RASGRF1: variants seen among roughly 807,000 people sequenced by gnomAD.
RASGRF1 encodes the protein ras-specific guanine nucleotide-releasing factor 1.
A neutral mutation model predicts 138.7 loss-of-function variants in RASGRF1; 40 were observed. The observed-to-expected ratio is 0.29, with a 90% CI of 0.22 to 0.38. The LOEUF is 0.38. Among genes scored for constraint, RASGRF1 ranks in the 10% least tolerant of loss-of-function variants. RASGRF1 has a pLI of 1.00. For synonymous variants in RASGRF1, 614 were observed against 663.2 expected (o/e 0.93, Z 1.14); for missense variants, 1,108 against 1,650.4 (o/e 0.67, Z 5.69).
Position 78,962,112 on chromosome 15 carries a change from C to T in RASGRF1, c.*32G>A, listed in dbSNP as rs771553507. On this transcript the variant is annotated 3_prime_UTR_variant, in exon 27 of 27. Coordinates refer to ENST00000558480, the MANE Select transcript of RASGRF1 (RefSeq NM_001145648.3). Reference sequence around the variant, plus strand: ...TACAGTATCATCTAGCACATGTCCCCGGGAGCAGCTGGGTCTGGGCTGGGC... The same window carrying T: ...TACAGTATCATCTAGCACATGTCCCTGGGAGCAGCTGGGTCTGGGCTGGGC... 28 of 1,375,314 alleles carry T rather than the reference C, an allele frequency of 2.0e-5. No individual in the cohort carries two copies. The highest frequency in any genetic ancestry group is 4.8e-5 in the East Asian group (2 of 41,282). 85.2% of individuals were successfully genotyped at this position (1,375,314 alleles called of 1,614,324 possible).
At chr15:79,036,183 C>A (rs2057219936) in intron 5 of RASGRF1, among the ~76,000 whole-genome samples, 2 of 152,162 alleles carry the variant, frequency 1.3e-5, no homozygotes, top group Admixed American at 6.5e-5. Context: ...CCTGCCCAAC[C>A]ATTTTCCCTC....
At chr15:79,012,583 G>A (rs1297456291) in intron 13 of RASGRF1, 1 of 1,609,658 alleles carries the variant, frequency 6.2e-7, no homozygotes, top group African/African-American at 1.3e-5. Context: ...GAAGTTGTAA[G>A]TTTAATCTGG....
Position 79,004,136 on chromosome 15 carries a change from C to T in RASGRF1, c.2115G>A (p.Lys705=). 2 of 1,605,996 alleles carry T rather than the reference C, an allele frequency of 1.2e-6. No homozygotes were observed. The highest frequency in any genetic ancestry group is 1.7e-6 in the Non-Finnish European group (2 of 1,174,804). Residue 705 remains lysine, a synonymous_variant, in exon 15 of 27, where the codon AAG becomes AAA. Coordinates refer to ENST00000558480, the MANE Select transcript of RASGRF1 (RefSeq NM_001145648.3). ...ACTTGGGGGGTTCACCGTACAGGAG[C>T]TTATTGTTCTGGCCACTGGCAAACA... ...ELLFASGQNN[K]LLYGEPPKSP...
chr15:78,985,085 G>C lies in RASGRF1; in HGVS notation c.3336C>G (p.Ala1112=). ...TCATGGACGAGGTGATCTCCAGTAC[G>C]GCATTGTAGTTGTGGAGGCAGCGGC... ...DICRCLHNYN[A]VLEITSSMNR... Residue 1112 remains alanine, a synonymous_variant, in exon 23 of 27, where the codon GCC becomes GCG. Transcript: ENST00000558480. The C allele has an allele frequency of 6.2e-7, 1 of 1,613,968 alleles. No individual in the cohort carries two copies. The highest frequency in any genetic ancestry group is 8.5e-7 in the Non-Finnish European group (1 of 1,179,896).
chr15:79,066,409 G>T lies in RASGRF1; in HGVS notation c.277-1883C>A, dbSNP rs568216609. On this transcript the variant is annotated intron_variant, in intron 1 of 26. Transcript: ENST00000558480. The stretch of plus-strand genomic sequence containing the variant: ...AAAGGCAAAGTCCCCACCTCAGGGA[G>T]CCTGTAGGTAGGTGAGACTCAGAGT... 5.9e-5 allele frequency among the ~76,000 whole-genome samples: 9 copies of T among 152,354 alleles called. No individual in the cohort carries two copies. The East Asian group carries it at 1.7e-3, about 29-fold the overall frequency.
chr15:79,004,868 C>T (rs371432416), intron 14 of RASGRF1: 99 of 983,360 alleles, frequency 1.0e-4, no homozygotes, highest in South Asian at 2.4e-4. Flanking sequence ...TGCCCCAGGA[C>T]GTAGGCACTC....
At chr15:79,049,786 A>T (rs1367669932) in intron 3 of RASGRF1, among the ~76,000 whole-genome samples, 198 bp from the exon 4 acceptor site, 3 of 152,010 alleles carry the variant, frequency 2.0e-5, no homozygotes, top group Non-Finnish European at 4.4e-5. Context: ...CATCTGTGAG[A>T]AGCGCTGCAC....
intron 24 of RASGRF1, chr15:78,979,258 G>A: frequency 8.7e-7 from 1 of 1,154,544 alleles, no homozygotes; most frequent in Non-Finnish European, 1.1e-6. Flanking sequence ...CACAGAGCTG[G>A]CAAAGGACAG....
chr15:79,025,168 T>C (rs2057028655), intron 10 of RASGRF1, 146 bp downstream of exon 10: 2 of 870,708 alleles, frequency 2.3e-6, no homozygotes, highest in South Asian at 8.0e-5. Context: ...GGCCAAACTA[T>C]GGGTTGTGTG....
chr15:79,064,474 C>G lies in RASGRF1; in HGVS notation c.329G>C (p.Arg110Thr). The G allele has an allele frequency of 6.2e-7, 1 of 1,614,212 alleles. No individual in the cohort carries two copies. Among genetic ancestry groups the G allele is most frequent in the Non-Finnish European group, 8.5e-7 (1 of 1,180,034 alleles). ...SHENQKALEL[R>T]TEDAKDCDEW... ...GTCACAATCTTTTGCGTCCTCTGTCCTCAGCTCCAAGGCTTTCTGGTTCTC... is the reference window on the plus strand; with the variant it reads ...GTCACAATCTTTTGCGTCCTCTGTCGTCAGCTCCAAGGCTTTCTGGTTCTC... Residue 110 changes from arginine (R) to threonine (T), a missense_variant, in exon 2 of 27, where the codon AGG (arginine) becomes ACG (threonine). Arg to Thr is a moderately conservative substitution (Grantham distance 71). Transcript: ENST00000558480.
At chr15:78,968,379 C>T (rs190200717) in intron 26 of RASGRF1, among the ~76,000 whole-genome samples, 23 of 151,956 alleles carry the variant, frequency 1.5e-4, no homozygotes, top group Admixed American at 5.9e-4. Flanking sequence ...TCAAGTGATC[C>T]GCCTGCCTCA....
chr15:79,070,990 A>G (rs2057747736), intron 1 of RASGRF1, among the ~76,000 whole-genome samples: 1 of 152,220 alleles, frequency 6.6e-6, no homozygotes, highest in African/African-American at 2.4e-5. Context: ...AACCCTCCCC[A>G]AGGGACACTC....
chr15:78,988,812 C>G (rs1270513587), intron 22 of RASGRF1, among the ~76,000 whole-genome samples: 1 of 149,596 alleles, frequency 6.7e-6, no homozygotes, highest in Non-Finnish European at 1.5e-5. Flanking sequence ...GGAACTTGCA[C>G]ACATGTGGGG....
At chr15:78,979,457 C>A in intron 24 of RASGRF1, 1 of 209,018 alleles carries the variant, frequency 4.8e-6, no homozygotes, top group South Asian at 7.7e-5. Flanking sequence ...CGGGGAGAGG[C>A]TTCCTGAGCT....
At chr15:79,025,818 G>C (rs1382999974) in intron 9 of RASGRF1, among the ~76,000 whole-genome samples, 3 of 151,976 alleles carry the variant, frequency 2.0e-5, no homozygotes, top group African/African-American at 7.3e-5. Context: ...GTGGGGAGCT[G>C]GCTGCAGGCC....
At chr15:78,988,284 C>T (rs1000196962) in intron 22 of RASGRF1, among the ~76,000 whole-genome samples, 1 of 152,150 alleles carries the variant, frequency 6.6e-6, no homozygotes, top group Admixed American at 6.5e-5. Flanking sequence ...AGTGAATGCT[C>T]ACTTCATATT....
Position 79,053,861 on chromosome 15 carries a change from A to G in RASGRF1, c.532-4273T>C, listed in dbSNP as rs142500759. Among the ~76,000 whole-genome samples, 250 of 152,328 alleles carry G rather than the reference A, an allele frequency of 1.6e-3. 1 individual carries two copies. Among genetic ancestry groups the G allele is most frequent in the African/African-American group, 5.7e-3 (236 of 41,580 alleles). ...CTGCAGTTGCTGTCTCGAAGTTTTT[A>G]AAGGCCTCACATTTTCTTTTGTGCT... On this transcript the variant is annotated intron_variant, in intron 3 of 26. Transcript: ENST00000558480.
intron 24 of RASGRF1, among the ~76,000 whole-genome samples, chr15:78,975,049 T>C (rs2055845124): frequency 6.6e-6 from 1 of 152,156 alleles, no homozygotes; most frequent in Non-Finnish European, 1.5e-5. Flanking sequence ...GACCCTTTCA[T>C]GGGTGTTGAA....
At chr15:78,971,274 A>G (rs1229600980) in intron 26 of RASGRF1, among the ~76,000 whole-genome samples, 1 of 152,246 alleles carries the variant, frequency 6.6e-6, no homozygotes, top group African/African-American at 2.4e-5. Flanking sequence ...CTAAATGTTC[A>G]TCAATACAGA....
Sources: gnomAD v4.1 joint callset for allele counts (sites outside exome capture counted in the v4.1 genomes callset) on GRCh38, gnomAD v4.1.1 for gene constraint, MANE v1.5 for transcripts, NCBI Gene and HGNC (gene_info 2026-07-23, HGNC 2026-07-21) for gene names.